Variants in COL4A2 observed in about 807,000 individuals in gnomAD.
COL4A2 encodes the protein collagen type IV alpha 2 chain, also known as collagen alpha-2(IV) chain.
A neutral mutation model predicts 200.2 loss-of-function variants in COL4A2; 99 were observed. That is an observed-to-expected ratio of 0.49 (90% CI 0.42 to 0.58). The LOEUF (loss-of-function observed/expected upper bound fraction) is 0.58, where lower values mean the gene tolerates loss of function less well. COL4A2 is among the 20% of genes least tolerant of loss of function. The pLI is 0.00. For missense variants in COL4A2, 1,950 were observed against 2,314.1 expected (o/e 0.84, Z 3.23); for synonymous variants, 897 against 900.6 (o/e 1.00, Z 0.07).
intron 3 of COL4A2, among the ~76,000 whole-genome samples, chr13:110,310,008 C>CA (rs376573727): frequency 2.6e-5 from 4 of 151,904 alleles, no homozygotes; most frequent in Admixed American, 6.6e-5. Context: ...AACAAACAAA[C>CA]AAAAAAAACC....
intron 19 of COL4A2, 50 bp downstream of exon 19, chr13:110,449,839 C>T (rs1052490587): frequency 4.0e-6 from 6 of 1,509,610 alleles, no homozygotes; most frequent in Non-Finnish European, 2.7e-6. Flanking sequence ...CACCTGCACT[C>T]AGGTCCTAGC....
intron 3 of COL4A2, among the ~76,000 whole-genome samples, chr13:110,355,285 G>A (rs565867522): frequency 2.7e-4 from 40 of 147,070 alleles, no homozygotes; most frequent in African/African-American, 1.1e-3. Flanking sequence ...CTGCTCACCT[G>A]TTTGTGTGGG....
chr13:110,364,371 A>G (rs929370500), intron 4 of COL4A2, among the ~76,000 whole-genome samples: 2 of 152,192 alleles, frequency 1.3e-5, no homozygotes, highest in Admixed American at 6.5e-5. Context: ...GGTGAGCTCC[A>G]AACTGGCCCA....
At chr13:110,447,659 A>G (rs1380013291) in intron 18 of COL4A2, among the ~76,000 whole-genome samples, 2 of 152,208 alleles carry the variant, frequency 1.3e-5, no homozygotes, top group Admixed American at 1.3e-4. Flanking sequence ...GTGAGGACAG[A>G]CATTTCAGCC....
chr13:110,485,204 G>A (rs930670969), intron 33 of COL4A2, among the ~76,000 whole-genome samples, 177 bp downstream of exon 33: 6 of 152,304 alleles, frequency 3.9e-5, no homozygotes, highest in Admixed American at 3.9e-4. Flanking sequence ...TCTGATGCCT[G>A]AGTAACCTCG....
intron 6 of COL4A2, among the ~76,000 whole-genome samples, chr13:110,425,702 A>T (rs1007809480): frequency 6.6e-6 from 1 of 152,144 alleles, no homozygotes; most frequent in Non-Finnish European, 1.5e-5. Context: ...TCACACATAT[A>T]CACAGATGTG....
intron 3 of COL4A2, among the ~76,000 whole-genome samples, chr13:110,346,537 A>G (rs1425951306): frequency 6.6e-6 from 1 of 152,142 alleles, no homozygotes; most frequent in Non-Finnish European, 1.5e-5. Context: ...CAGGCAACTC[A>G]TATTTCGACG....
intron 21 of COL4A2, 39 bp downstream of exon 21, chr13:110,457,474 G>T: frequency 8.5e-7 from 1 of 1,180,464 alleles, no homozygotes; most frequent in Non-Finnish European, 1.3e-6. Context: ...GGACAGCCTG[G>T]CCTTTCCAAG....
intron 28 of COL4A2, among the ~76,000 whole-genome samples, chr13:110,472,297 A>G (rs1022301366): frequency 8.6e-5 from 13 of 151,900 alleles, no homozygotes; most frequent in Non-Finnish European, 1.5e-4. Flanking sequence ...TTGTATTTTT[A>G]GTAGAGACGA....
intron 4 of COL4A2, among the ~76,000 whole-genome samples, chr13:110,397,948 G>C (rs1879237472): frequency 6.6e-6 from 1 of 152,196 alleles, no homozygotes; most frequent in African/African-American, 2.4e-5. Flanking sequence ...AAGAGCAGCT[G>C]TATCGTATGG....
chr13:110,402,300 AC>A (rs1879398468), intron 4 of COL4A2, among the ~76,000 whole-genome samples: 1 of 152,244 alleles, frequency 6.6e-6, no homozygotes, highest in South Asian at 2.1e-4. Flanking sequence ...CAATGGTGGG[AC>A]AGGCATAAGA....
intron 11 of COL4A2, among the ~76,000 whole-genome samples, chr13:110,433,288 T>C (rs1378497223): frequency 2.6e-5 from 4 of 152,170 alleles, no homozygotes; most frequent in African/African-American, 9.7e-5. Flanking sequence ...GCAGCAGAAA[T>C]AGGACCAGGC....
At position 110,450,587 on chromosome 13, in the gene COL4A2, G is replaced by T. The variant is rs1881503841; in HGVS notation, c.1339+133G>T. 4.8e-6 allele frequency: 5 copies of T among 1,040,210 alleles called. No homozygotes were observed. The Admixed American group carries it at 1.2e-4, about 24-fold the overall frequency. 64.4% of individuals were successfully genotyped at this position (1,040,210 alleles called of 1,614,324 possible). A position where few individuals can be genotyped will look rare whatever the true frequency, so the allele number is the denominator to read the frequency against. ...CCAGTAGGCCAGTGATTAGGGTGCAGTGGATCCAGGTAGATTAGGGTGTAG... is the reference window on the plus strand; with the variant it reads ...CCAGTAGGCCAGTGATTAGGGTGCATTGGATCCAGGTAGATTAGGGTGTAG... On this transcript the variant is annotated intron_variant, in intron 20 of 47. Transcript: ENST00000360467.
intron 34 of COL4A2, among the ~76,000 whole-genome samples, chr13:110,487,714 A>T (rs1042028581): frequency 6.6e-6 from 1 of 152,234 alleles, no homozygotes; most frequent in Non-Finnish European, 1.5e-5. Flanking sequence ...GAACAAAATA[A>T]ACCAGAAACA....
At chr13:110,447,524 C>T (rs1457865850) in intron 18 of COL4A2, among the ~76,000 whole-genome samples, 3 of 152,228 alleles carry the variant, frequency 2.0e-5, no homozygotes, top group Non-Finnish European at 4.4e-5. Context: ...AACTAGAGCA[C>T]TTGGCTCTGA....
At chr13:110,395,608 A>G (rs1253648584) in intron 4 of COL4A2, among the ~76,000 whole-genome samples, 1 of 152,210 alleles carries the variant, frequency 6.6e-6, no homozygotes, top group African/African-American at 2.4e-5. Context: ...TCTAATTGAA[A>G]ACTTTTTCCC....
At chr13:110,333,946 A>G (rs1354223014) in intron 3 of COL4A2, among the ~76,000 whole-genome samples, 1 of 152,180 alleles carries the variant, frequency 6.6e-6, no homozygotes, top group Non-Finnish European at 1.5e-5. Context: ...CTCACAGACA[A>G]AGAAACCGAG....
At chr13:110,371,748 C>CGGCG (rs1260757076) in intron 4 of COL4A2, among the ~76,000 whole-genome samples, 1 of 151,758 alleles carries the variant, frequency 6.6e-6, no homozygotes, top group Non-Finnish European at 1.5e-5. Flanking sequence ...GTAGGGCGGG[C>CGGCG]GGCGGGCCGT....
In COL4A2 at chr13:110,512,430, G is replaced by A. The variant is rs1415719082; in HGVS notation, c.*239G>A. 16 of 648,642 alleles carry A rather than the reference G, an allele frequency of 2.5e-5. No individual in the cohort carries two copies. The African/African-American group carries it at 2.9e-4, about 12-fold the overall frequency. The allele number at this position is 648,642 out of a possible 1,614,324, so 40.2% of individuals were successfully genotyped here. A position where few individuals can be genotyped will look rare whatever the true frequency, so the allele number is the denominator to read the frequency against. ...CCAGGAGCAGCCCTGGCCCCCATCA[G>A]CCCTGCTAGACGCACCGCCTGAAGG... On this transcript the variant is annotated 3_prime_UTR_variant, in exon 48 of 48. Coordinates refer to ENST00000360467, the MANE Select transcript of COL4A2 (RefSeq NM_001846.4).
Sources: allele counts gnomAD v4.1 joint callset (sites outside exome capture counted in the v4.1 genomes callset), GRCh38; gene constraint gnomAD v4.1.1; transcripts MANE v1.5; gene names NCBI Gene and HGNC (gene_info 2026-07-23, HGNC 2026-07-21).